Variants in ATRNL1 observed in about 807,000 individuals in gnomAD.
ATRNL1 encodes the protein attractin like 1, also known as attractin-like protein 1.
ATRNL1 carries 95 observed loss-of-function variants against 182.7 expected under a neutral mutation model. That is an observed-to-expected ratio of 0.52 (90% CI 0.44 to 0.62). The LOEUF (loss-of-function observed/expected upper bound fraction) is 0.62. Among genes scored for constraint, ATRNL1 ranks in the 20% least tolerant of loss-of-function variants. The probability of loss-of-function intolerance (pLI) is 0.00; values close to 1 mark genes in which losing one functional copy is unlikely to be tolerated. For missense variants in ATRNL1, 1,471 were observed against 1,679.5 expected (o/e 0.88, Z 2.17); for synonymous variants, 576 against 568.3 (o/e 1.01, Z -0.19).
intron 15 of ATRNL1, among the ~76,000 whole-genome samples, chr10:115,296,706 A>G (rs748234976): frequency 3.2e-4 from 48 of 152,048 alleles, no homozygotes; most frequent in Non-Finnish European, 6.0e-4. Flanking sequence ...GTCTGGGATT[A>G]ATAGGGTAAA....
intron 17 of ATRNL1, among the ~76,000 whole-genome samples, chr10:115,304,168 T>C (rs1171488875): frequency 1.3e-5 from 2 of 152,230 alleles, no homozygotes; most frequent in African/African-American, 4.8e-5. Context: ...CTTGTTTCTA[T>C]AACGTTCATA....
chr10:115,513,749 A>G (rs1383606001), intron 24 of ATRNL1, among the ~76,000 whole-genome samples: 1 of 151,884 alleles, frequency 6.6e-6, no homozygotes, highest in Non-Finnish European at 1.5e-5. Context: ...TATTTTCCAT[A>G]GGCAATTTCC....
intron 19 of ATRNL1, among the ~76,000 whole-genome samples, chr10:115,350,353 A>G (rs1342848853): frequency 6.0e-5 from 9 of 150,562 alleles, no homozygotes; most frequent in African/African-American, 2.2e-4. Context: ...AAAGAAAAAA[A>G]AAAAAAAAAA....
chr10:115,625,088 A>G (rs1462562193), intron 26 of ATRNL1, among the ~76,000 whole-genome samples: 6 of 152,134 alleles, frequency 3.9e-5, no homozygotes, highest in African/African-American at 1.4e-4. Flanking sequence ...AAAATTATAT[A>G]CCTTCCCTAA....
At chr10:115,745,717 C>T (rs1948272678) in intron 27 of ATRNL1, among the ~76,000 whole-genome samples, 1 of 152,096 alleles carries the variant, frequency 6.6e-6, no homozygotes, top group African/African-American at 2.4e-5. Context: ...ATGGCAAAAA[C>T]TGCAATTACT....
At chr10:115,299,747 A>G (rs1853380862) in intron 15 of ATRNL1, among the ~76,000 whole-genome samples, 2 of 152,162 alleles carry the variant, frequency 1.3e-5, no homozygotes, top group South Asian at 4.1e-4. Flanking sequence ...ATAGATAATT[A>G]TATCTCCACT....
intron 19 of ATRNL1, among the ~76,000 whole-genome samples, chr10:115,382,788 C>T (rs1858098307): frequency 6.6e-6 from 1 of 151,094 alleles, no homozygotes; most frequent in African/African-American, 2.4e-5. Flanking sequence ...TGTCTCATTC[C>T]TGATTGCAGT....
chr10:115,357,234 G>T (rs568608429), intron 19 of ATRNL1, among the ~76,000 whole-genome samples: 3 of 151,800 alleles, frequency 2.0e-5, no homozygotes, highest in Non-Finnish European at 4.4e-5. Context: ...TTAAAGTGGG[G>T]CATAGTTCTA....
chr10:115,464,534 T>C (rs1234786928), intron 22 of ATRNL1, among the ~76,000 whole-genome samples: 1 of 152,014 alleles, frequency 6.6e-6, no homozygotes, highest in Non-Finnish European at 1.5e-5. Context: ...TTTTAAATCC[T>C]AAATGCTTTT....
intron 1 of ATRNL1, among the ~76,000 whole-genome samples, chr10:115,114,963 A>C (rs2143568396): frequency 6.6e-6 from 1 of 152,280 alleles, no homozygotes; most frequent in South Asian, 2.1e-4. Flanking sequence ...CATAATAGCC[A>C]ATATTGGGAA....
chr10:115,895,500 A>G (rs1289217598), intron 28 of ATRNL1, among the ~76,000 whole-genome samples: 1 of 152,184 alleles, frequency 6.6e-6, no homozygotes, highest in Non-Finnish European at 1.5e-5. Flanking sequence ...ACTCTTGACT[A>G]TGACTCCTTC....
At chr10:115,125,907 A>G (rs1051745129) in intron 3 of ATRNL1, among the ~76,000 whole-genome samples, 8 of 152,180 alleles carry the variant, frequency 5.3e-5, no homozygotes, top group African/African-American at 1.9e-4. Flanking sequence ...GCAGGCCTTC[A>G]AGCTGATTTT....
At chr10:115,785,172 T>C (rs1949365488) in intron 27 of ATRNL1, among the ~76,000 whole-genome samples, 1 of 152,220 alleles carries the variant, frequency 6.6e-6, no homozygotes, top group African/African-American at 2.4e-5. Flanking sequence ...AATTATCTGC[T>C]TTCAAAATAC....
intron 21 of ATRNL1, among the ~76,000 whole-genome samples, chr10:115,457,749 A>G (rs1055817695): frequency 6.6e-6 from 1 of 151,950 alleles, no homozygotes; most frequent in Non-Finnish European, 1.5e-5. Context: ...TCCTCCCTGC[A>G]TGTTGTGTAT....
intron 27 of ATRNL1, among the ~76,000 whole-genome samples, chr10:115,828,096 T>C (rs1950478759): frequency 6.6e-6 from 1 of 152,070 alleles, no homozygotes; most frequent in African/African-American, 2.4e-5. Flanking sequence ...GGTGGGCGGA[T>C]CACCTGAGGT....
Position 115,315,532 on chromosome 10 carries a change from G to T in ATRNL1, c.2833G>T (p.Gly945Ter). The change falls in exon 18 of 29, where the codon GGA becomes TGA. Residue 945 changes from glycine (G) to a stop codon, truncating the protein, a stop_gained. Coordinates refer to ENST00000355044, the MANE Select transcript of ATRNL1 (RefSeq NM_207303.4). LOFTEE classifies it high-confidence loss of function. ...CTGTCACGCAGCTCAAAATTGTTCT[G>T]GATTGAGAACCTGTGGACAGTGTTT... is the stretch of plus-strand genomic sequence containing the variant. ...TATCSPQNCS[G>*]LRTCGQCLEQ... The T allele has an allele frequency of 6.2e-7, 1 of 1,610,778 alleles. No individual in the cohort carries two copies. The highest frequency in any genetic ancestry group is 8.5e-7 in the Non-Finnish European group (1 of 1,177,638).
chr10:115,392,318 A>G (rs1554954536), intron 19 of ATRNL1, among the ~76,000 whole-genome samples: 1 of 152,078 alleles, frequency 6.6e-6, no homozygotes, highest in Non-Finnish European at 1.5e-5. Flanking sequence ...TCTGTCACTG[A>G]CCCTTTAAAA....
chr10:115,594,961 A>G (rs183462325), intron 26 of ATRNL1, among the ~76,000 whole-genome samples: 1 of 152,168 alleles, frequency 6.6e-6, no homozygotes, highest in East Asian at 1.9e-4. Flanking sequence ...TAAACATTCT[A>G]TTGAGGTGTA....
At chr10:115,644,523 A>G (rs1195052463) in intron 26 of ATRNL1, among the ~76,000 whole-genome samples, 1 of 152,188 alleles carries the variant, frequency 6.6e-6, no homozygotes, top group Non-Finnish European at 1.5e-5. Flanking sequence ...TCTATTCCAA[A>G]GTCTGTATAC....
Sources: allele counts gnomAD v4.1 joint callset (sites outside exome capture counted in the v4.1 genomes callset), GRCh38; gene constraint gnomAD v4.1.1; transcripts MANE v1.5; gene names NCBI Gene and HGNC (gene_info 2026-07-23, HGNC 2026-07-21).